Variants in MSRA observed in about 807,000 individuals in gnomAD.
MSRA encodes the protein methionine sulfoxide reductase A.
A neutral mutation model predicts 31.3 loss-of-function variants in MSRA; 54 were observed. That is an observed-to-expected ratio of 1.73 (90% confidence interval 1.39 to 2.17). The LOEUF (loss-of-function observed/expected upper bound fraction) is 2.17, where lower values mean the gene tolerates loss of function less well. MSRA is among the 30% of genes most tolerant of loss of function. The probability of loss-of-function intolerance (pLI) is 0.00; values close to 1 mark genes in which losing one functional copy is unlikely to be tolerated. For missense variants in MSRA, 507 were observed against 300.9 expected, an observed-to-expected ratio of 1.69 and a Z score of -5.07; for synonymous variants, 169 against 116.5, an observed-to-expected ratio of 1.45 and a Z score of -2.90.
At chr8:10,250,761 C>A in intron 3 of MSRA, 1 of 374,100 alleles carries the variant, frequency 2.7e-6, no homozygotes, top group Non-Finnish European at 4.8e-6. Flanking sequence ...CTTATGTGTC[C>A]TGTCCTGAGC....
chr8:10,410,162 C>G (rs767084480), intron 5 of MSRA, among the ~76,000 whole-genome samples: 1 of 152,224 alleles, frequency 6.6e-6, no homozygotes, highest in African/African-American at 2.4e-5. Flanking sequence ...ATGGTCCCAT[C>G]CGTTGCTGTG....
At chr8:10,384,881 A>G (rs532033825) in intron 5 of MSRA, among the ~76,000 whole-genome samples, 43 of 152,304 alleles carry the variant, frequency 2.8e-4, no homozygotes, top group African/African-American at 9.4e-4. Flanking sequence ...GCATACCTGC[A>G]GCCCCAGTTG....
intron 1 of MSRA, among the ~76,000 whole-genome samples, chr8:10,060,001 A>G (rs1041605264): frequency 2.0e-5 from 3 of 152,226 alleles, no homozygotes; most frequent in Non-Finnish European, 4.4e-5. Context: ...ACTCTTGTAC[A>G]TGGCTGGCAA....
At chr8:10,396,922 G>C (rs576386823) in intron 5 of MSRA, among the ~76,000 whole-genome samples, 2 of 152,314 alleles carry the variant, frequency 1.3e-5, no homozygotes, top group East Asian at 1.9e-4. Flanking sequence ...ATGACCTCTT[G>C]GGTGCCGATG....
At chr8:10,166,226 T>C (rs954250224) in intron 1 of MSRA, among the ~76,000 whole-genome samples, 1 of 152,158 alleles carries the variant, frequency 6.6e-6, no homozygotes, top group Admixed American at 6.5e-5. Context: ...TTTGGAGCTT[T>C]TGGTTTCTCA....
intron 1 of MSRA, among the ~76,000 whole-genome samples, chr8:10,065,189 G>T (rs1291888620): frequency 6.6e-6 from 1 of 152,086 alleles, no homozygotes; most frequent in African/African-American, 2.4e-5. Context: ...GCATCAGCAT[G>T]AAGGAGTGCT....
chr8:10,060,320 T>C (rs1311135567), intron 1 of MSRA, among the ~76,000 whole-genome samples: 1 of 152,226 alleles, frequency 6.6e-6, no homozygotes, highest in African/African-American at 2.4e-5. Context: ...ATGGAGGGAT[T>C]GCCAAGATGT....
intron 1 of MSRA, among the ~76,000 whole-genome samples, chr8:10,084,130 C>G (rs1436584847): frequency 1.3e-5 from 2 of 152,258 alleles, no homozygotes; most frequent in Non-Finnish European, 2.9e-5. Context: ...CCCTGCTGCT[C>G]CACATGCTGG....
intron 1 of MSRA, among the ~76,000 whole-genome samples, chr8:10,161,400 C>T (rs1008972139): frequency 3.9e-5 from 6 of 152,096 alleles, no homozygotes; most frequent in African/African-American, 1.4e-4. Flanking sequence ...TGATGAGTCC[C>T]CAAGCACTGC....
intron 4 of MSRA, among the ~76,000 whole-genome samples, chr8:10,307,230 A>G (rs940342299): frequency 2.0e-5 from 3 of 150,002 alleles, no homozygotes; most frequent in African/African-American, 7.4e-5. Context: ...GTGCAGTGGC[A>G]CAATTGGCTT....
intron 1 of MSRA, 146 bp downstream of exon 1, chr8:10,054,804 G>T: frequency 1.1e-6 from 1 of 905,562 alleles, no homozygotes; most frequent in Non-Finnish European, 1.5e-6. Context: ...GCGCGAAGGG[G>T]CGCCGGCAGT....
At chr8:10,360,138 G>GGAGTGAGCCAAGCTGCTT (rs753906741) in intron 5 of MSRA, among the ~76,000 whole-genome samples, 1 of 152,142 alleles carries the variant, frequency 6.6e-6, no homozygotes, top group African/African-American at 2.4e-5. Context: ...TGCTGCTGCT[G>GGAGTGAGCCAAGCTGCTT]GAGTGAGCCA....
chr8:10,120,296 G>A (rs1233049602), intron 1 of MSRA, among the ~76,000 whole-genome samples: 6 of 152,170 alleles, frequency 3.9e-5, no homozygotes, highest in Non-Finnish European at 5.9e-5. Context: ...CTTTGTGATT[G>A]TACCAAATAG....
intron 2 of MSRA, among the ~76,000 whole-genome samples, chr8:10,216,571 G>A (rs573266524): frequency 3.3e-5 from 5 of 152,218 alleles, no homozygotes; most frequent in South Asian, 2.1e-4. Flanking sequence ...ACTAAACACC[G>A]TCTAGTCCTC....
intron 2 of MSRA, among the ~76,000 whole-genome samples, chr8:10,244,715 T>G (rs1797523111): frequency 6.6e-6 from 1 of 152,234 alleles, no homozygotes; most frequent in South Asian, 2.1e-4. Context: ...GTAAAATATT[T>G]TTTTAAAAAT....
intron 2 of MSRA, among the ~76,000 whole-genome samples, chr8:10,242,688 T>C (rs1450242057): frequency 1.3e-5 from 2 of 152,236 alleles, no homozygotes; most frequent in African/African-American, 4.8e-5. Flanking sequence ...ATGAGTAATT[T>C]TGCTATAAAT....
At chr8:10,091,568 G>C (rs759861474) in intron 1 of MSRA, among the ~76,000 whole-genome samples, 2 of 151,034 alleles carry the variant, frequency 1.3e-5, no homozygotes, top group Non-Finnish European at 2.9e-5. Context: ...ATTTTCTTTG[G>C]ATATATGCTC....
chr8:10,294,076 C>T, intron 3 of MSRA, among the ~76,000 whole-genome samples: 1 of 152,144 alleles, frequency 6.6e-6, no homozygotes, highest in East Asian at 1.9e-4. Flanking sequence ...TGGTGGCATG[C>T]ACCTATAATC....
intron 2 of MSRA, among the ~76,000 whole-genome samples, chr8:10,241,241 G>A (rs80068319): frequency 0.11 from 16,867 of 151,908 alleles, 1,146 homozygotes; most frequent in East Asian, 0.32. Context: ...TGAAATGGTC[G>A]ATTCTGGGAC....
Sources: allele counts gnomAD v4.1 joint callset (sites outside exome capture counted in the v4.1 genomes callset), GRCh38; gene constraint gnomAD v4.1.1; transcripts MANE v1.5; gene names NCBI Gene and HGNC (gene_info 2026-07-23, HGNC 2026-07-21).